The following USO1 variants were observed in gnomAD, a reference collection of about 807,000 sequenced individuals.
The protein encoded by USO1 is general vesicular transport factor p115.
A neutral mutation model predicts 124.5 loss-of-function variants in USO1; 57 were observed. The ratio of observed to expected loss-of-function variants is 0.46; its 90% CI spans 0.37 to 0.57. USO1 has a LOEUF of 0.57. Among genes scored for constraint, USO1 ranks in the 20% least tolerant of loss-of-function variants. The probability of loss-of-function intolerance (pLI) is 0.00; values close to 1 mark genes in which losing one functional copy is unlikely to be tolerated. For missense variants in USO1, 900 were observed against 1,040.6 expected, an observed-to-expected ratio of 0.86 and a Z score of 1.86; for synonymous variants, 369 against 362.8, an observed-to-expected ratio of 1.02 and a Z score of -0.19.
chr4:75,759,264 T>TTTTTTTTTTTTTTTTTTC (rs1553898967), intron 4 of USO1, among the ~76,000 whole-genome samples: 1 of 145,428 alleles, frequency 6.9e-6, no homozygotes, highest in Non-Finnish European at 1.5e-5. Flanking sequence ...TTTTTTTTTT[T>TTTTTTTTTTTTTTTTTTC]CTGAAAATTT....
chr4:75,724,996 CACATG>C, intron 1 of USO1, 111 bp downstream of exon 1: 8 of 1,080,934 alleles, frequency 7.4e-6, no homozygotes, highest in South Asian at 2.9e-5. Flanking sequence ...AGGGGGCATC[CACATG>C]CCGCCTCCCC....
chr4:75,748,603 G>A (rs1721204166), intron 1 of USO1, among the ~76,000 whole-genome samples: 1 of 152,144 alleles, frequency 6.6e-6, no homozygotes, highest in Admixed American at 6.6e-5. Flanking sequence ...TATATTTTGA[G>A]ACAAGTAGCT....
chr4:75,730,550 C>A (rs928696586), intron 1 of USO1, among the ~76,000 whole-genome samples: 6 of 151,664 alleles, frequency 4.0e-5, no homozygotes, highest in African/African-American at 1.5e-4. Context: ...ATGCCTTTTT[C>A]TTTATTTTCC....
chr4:75,743,879 C>T (rs1463720989), intron 1 of USO1, among the ~76,000 whole-genome samples: 1 of 152,132 alleles, frequency 6.6e-6, no homozygotes, highest in East Asian at 1.9e-4. Context: ...TGGATTCACG[C>T]CATTCTCCTG....
At chr4:75,804,365 T>G in intron 18 of USO1, 93 bp downstream of exon 18, 1 of 1,451,780 alleles carries the variant, frequency 6.9e-7, no homozygotes, top group Middle Eastern at 1.8e-4. Context: ...TGGACTAGTA[T>G]TTTTCTAACC....
chr4:75,753,430 A>G (rs1163300156), intron 3 of USO1, among the ~76,000 whole-genome samples: 2 of 152,136 alleles, frequency 1.3e-5, no homozygotes, highest in East Asian at 3.8e-4. Context: ...GCTACTTGGG[A>G]GTCTGAGGTG....
chr4:75,800,922 G>A, intron 16 of USO1, 123 bp downstream of exon 16: 1 of 1,435,648 alleles, frequency 7.0e-7, no homozygotes, highest in Non-Finnish European at 9.2e-7. Context: ...CCTAGCTCTT[G>A]ATCTGTAGCC....
Position 75,800,690 on chromosome 4 carries a change from C to G in USO1, c.1755C>G (p.Ser585Arg). The change falls in exon 16 of 24, where the codon AGC becomes AGG. Residue 585 changes from serine to arginine, a missense_variant. Physicochemically the swap from Ser to Arg is moderately radical, Grantham distance 110 (BLOSUM62 -1). Transcript: ENST00000514213. ...ENFIEKLGFI[S>R]KHELYSRASQ... ...TCATAGAGAAACTAGGATTTATTAG[C>G]AAACATGAGTTGTATTCCAGAGCAT... 1 of 1,598,368 alleles carries G rather than the reference C, an allele frequency of 6.3e-7. No homozygotes were observed. The highest frequency in any genetic ancestry group is 8.5e-7 in the Non-Finnish European group (1 of 1,175,986).
chr4:75,799,364 T>C (rs938664628), intron 13 of USO1, among the ~76,000 whole-genome samples: 1 of 152,192 alleles, frequency 6.6e-6, no homozygotes, highest in African/African-American at 2.4e-5. Flanking sequence ...TTTAAACTAA[T>C]CATATTTTAA....
intron 9 of USO1, among the ~76,000 whole-genome samples, chr4:75,784,436 A>C (rs1036730936): frequency 1.3e-5 from 2 of 152,216 alleles, no homozygotes; most frequent in Non-Finnish European, 2.9e-5. Flanking sequence ...AAACAGTGAA[A>C]ATTTAAATTG....
intron 13 of USO1, among the ~76,000 whole-genome samples, chr4:75,794,938 CTTA>C (rs1298503793): frequency 6.6e-6 from 1 of 152,118 alleles, no homozygotes; most frequent in Non-Finnish European, 1.5e-5. Flanking sequence ...TATGTCTTTA[CTTA>C]TTACTTGGCA....
chr4:75,773,652 CT>C (rs1247969231), intron 7 of USO1, among the ~76,000 whole-genome samples: 1 of 152,080 alleles, frequency 6.6e-6, no homozygotes, highest in Non-Finnish European at 1.5e-5. Flanking sequence ...TTCTTCTTCT[CT>C]TTGTTAGTAG....
intron 10 of USO1, among the ~76,000 whole-genome samples, chr4:75,789,260 T>C (rs1722460882): frequency 7.5e-6 from 1 of 133,018 alleles, no homozygotes; most frequent in Non-Finnish European, 1.6e-5. Flanking sequence ...CCTGATAATT[T>C]TCTCTTTTCT....
intron 1 of USO1, among the ~76,000 whole-genome samples, chr4:75,726,223 G>A (rs1462802007): frequency 6.7e-6 from 1 of 149,540 alleles, no homozygotes; most frequent in Non-Finnish European, 1.5e-5. Context: ...GGAGGTTACG[G>A]TGAGCAGAGA....
In USO1 at chr4:75,782,707, T is replaced by G; in HGVS notation, c.704T>G (p.Leu235Trp). The change falls in exon 9 of 24, where the codon TTG (leucine) becomes TGG (tryptophan). Residue 235 changes from leucine (L) to tryptophan (W), a missense_variant. Around this residue, in one of 2 missense-constraint regions of USO1, gnomAD observed 538 missense variants for 681.6 expected, o/e 0.79. Transcript: ENST00000514213. ...ATAGTAGTTGAAGATTGTTTGATTT[T>G]GCTCCAAAACTTATTAAAAAACAAC... The part of the protein sequence containing the change: ...GGIVVEDCLI[L>W]LQNLLKNNNS... The G allele has an allele frequency of 6.4e-7, 1 of 1,570,232 alleles. No individual in the cohort carries two copies. The highest frequency in any genetic ancestry group is 8.6e-7 in the Non-Finnish European group (1 of 1,157,100).
intron 1 of USO1, 35 bp from the exon 2 acceptor site, chr4:75,752,338 T>TA: frequency 2.5e-6 from 1 of 398,150 alleles, no homozygotes; most frequent in Non-Finnish European, 4.4e-6. Context: ...CGGTTTTTTT[T>TA]ATTCTTTTAA....
Position 75,748,229 on chromosome 4 carries a change from T to TTC in USO1, c.67-4144_67-4143insTC, listed in dbSNP as rs1553897953. Among the ~76,000 whole-genome samples, 5 of 147,914 alleles carry TTC rather than the reference T, an allele frequency of 3.4e-5. No homozygotes were observed. In the East Asian group the frequency reaches 9.9e-4, roughly 29 times the overall value. The stretch of plus-strand genomic sequence containing the variant: ...GGTATTTCTTTTTTTTTTTTTTTTT[T>TTC]ACAGGCTGGAGTGCAGTGGTGTCAC... On this transcript the variant is annotated intron_variant, in intron 1 of 23. Transcript: ENST00000514213.
intron 1 of USO1, among the ~76,000 whole-genome samples, chr4:75,736,523 G>A (rs997342275): frequency 3.0e-4 from 46 of 151,806 alleles, no homozygotes; most frequent in African/African-American, 1.0e-3. Context: ...GGCTGGTCTC[G>A]AACTCCTGAC....
intron 1 of USO1, among the ~76,000 whole-genome samples, chr4:75,731,468 A>G (rs1720629488): frequency 1.3e-5 from 2 of 152,220 alleles, no homozygotes; most frequent in African/African-American, 4.8e-5. Flanking sequence ...AGGCTGAGGC[A>G]GGAGAATCAC....
Sources: allele counts gnomAD v4.1 joint callset (sites outside exome capture counted in the v4.1 genomes callset), GRCh38; gene constraint gnomAD v4.1.1; regional missense constraint gnomAD v4.1.1; transcripts MANE v1.5; gene names NCBI Gene and HGNC (gene_info 2026-07-23, HGNC 2026-07-21).